The following SPECC1 variants were observed in gnomAD, a reference collection of about 807,000 sequenced individuals.
SPECC1 encodes cytospin-B.
Under a neutral mutation model 104.1 loss-of-function variants are expected in SPECC1, and 62 were observed. The ratio of observed to expected loss-of-function variants is 0.60; its 90% CI spans 0.49 to 0.74. The LOEUF (loss-of-function observed/expected upper bound fraction) is 0.74, where lower values mean the gene tolerates loss of function less well. Ranked by LOEUF, SPECC1 falls within the 30% of genes least tolerant of loss-of-function variation. The pLI is 0.00. For synonymous variants in SPECC1, 513 were observed against 501.6 expected (o/e 1.02, Z -0.30); for missense variants, 1,306 against 1,310.5 (o/e 1.00, Z 0.05).
chr17:20,076,399 TA>T (rs2046761289), intron 1 of SPECC1, among the ~76,000 whole-genome samples: 1 of 152,118 alleles, frequency 6.6e-6, no homozygotes, highest in African/African-American at 2.4e-5. Context: ...GGAGTTTCAC[TA>T]TGGTTCCCAG....
intron 12 of SPECC1, among the ~76,000 whole-genome samples, chr17:20,262,770 G>A (rs1055112946): frequency 6.6e-6 from 1 of 152,116 alleles, no homozygotes; most frequent in Non-Finnish European, 1.5e-5. Context: ...AAATTAGCAG[G>A]GCTGGGAGTC....
intron 1 of SPECC1, among the ~76,000 whole-genome samples, chr17:20,023,016 A>G (rs1171999507): frequency 6.6e-6 from 1 of 151,906 alleles, no homozygotes; most frequent in Non-Finnish European, 1.5e-5. Context: ...CCTTTTTGCC[A>G]AAAAAAACCA....
intron 14 of SPECC1, among the ~76,000 whole-genome samples, chr17:20,310,738 C>T (rs1300783825): frequency 2.0e-5 from 3 of 152,202 alleles, no homozygotes; most frequent in Admixed American, 1.3e-4. Context: ...GGCATGCCCC[C>T]GTGGAGGGAG....
intron 3 of SPECC1, among the ~76,000 whole-genome samples, chr17:20,120,038 G>A (rs1597752098): frequency 6.6e-6 from 1 of 152,130 alleles, no homozygotes; most frequent in East Asian, 1.9e-4. Context: ...AACACTTATG[G>A]TCCTGAGCAT....
At chr17:20,253,031 T>A (rs1451741731) in intron 9 of SPECC1, among the ~76,000 whole-genome samples, 1 of 150,420 alleles carries the variant, frequency 6.6e-6, no homozygotes, top group Non-Finnish European at 1.5e-5. Flanking sequence ...CCAATACTTG[T>A]TCTTTTTCAG....
chr17:20,125,795 C>T (rs2049273631), intron 3 of SPECC1, among the ~76,000 whole-genome samples: 1 of 152,202 alleles, frequency 6.6e-6, no homozygotes. Context: ...TGGCTTTCAG[C>T]TTCTGGTGGT....
At chr17:20,052,525 C>T (rs1469912510) in intron 1 of SPECC1, among the ~76,000 whole-genome samples, 1 of 152,216 alleles carries the variant, frequency 6.6e-6, no homozygotes, top group Non-Finnish European at 1.5e-5. Flanking sequence ...TTCAAAGATA[C>T]CTTAACGCCT....
chr17:20,248,482 C>A (rs142106680), intron 9 of SPECC1, among the ~76,000 whole-genome samples: 1 of 152,268 alleles, frequency 6.6e-6, no homozygotes, highest in East Asian at 1.9e-4. Context: ...TCCAGCATGT[C>A]GAAAAACTTG....
At chr17:20,088,049 G>A (rs188853914) in intron 1 of SPECC1, among the ~76,000 whole-genome samples, 120 of 152,026 alleles carry the variant, frequency 7.9e-4, no homozygotes, top group African/African-American at 2.7e-3. Flanking sequence ...AGCTGGGAGC[G>A]GCCCACATGA....
chr17:20,018,009 G>GT (rs1244702141), intron 1 of SPECC1: 1 of 152,514 alleles, frequency 6.6e-6, no homozygotes, highest in African/African-American at 2.4e-5. Context: ...TCCTGTGATT[G>GT]TTGAAGAGCT....
intron 1 of SPECC1, among the ~76,000 whole-genome samples, chr17:20,075,538 T>A (rs1261609214): frequency 6.6e-6 from 1 of 152,174 alleles, no homozygotes; most frequent in Non-Finnish European, 1.5e-5. Flanking sequence ...TGCAGTGGCT[T>A]GCACCTGAAA....
chr17:20,230,495 G>A (rs1370650364), intron 5 of SPECC1, among the ~76,000 whole-genome samples: 1 of 102,522 alleles, frequency 9.8e-6, no homozygotes, highest in Non-Finnish European at 1.8e-5. Flanking sequence ...GAGAAGAAAA[G>A]TCAAGACAAG....
At position 20,076,660 on chromosome 17, in the gene SPECC1, C is replaced by T. The variant is rs1275652540; in HGVS notation, c.-21-19971C>T. 2.6e-5 allele frequency among the ~76,000 whole-genome samples: 4 copies of T among 151,948 alleles called. No individual in the cohort carries two copies. The East Asian group carries it at 7.7e-4, about 29-fold the overall frequency. ...AACCGTCTTTGTCCATGGAACTTTC[C>T]TTATGTTTTTGGGTTGTATCTGTAG... On this transcript the variant is annotated intron_variant, in intron 1 of 14. Coordinates refer to ENST00000395527, the MANE Select transcript of SPECC1 (RefSeq NM_001243439.2).
At chr17:20,196,562 G>A (rs977642907) in intron 3 of SPECC1, among the ~76,000 whole-genome samples, 2 of 152,136 alleles carry the variant, frequency 1.3e-5, no homozygotes, top group African/African-American at 4.8e-5. Flanking sequence ...ATCCTTTCAC[G>A]ACTTACACAG....
chr17:20,182,605 A>G (rs925924010), intron 3 of SPECC1, among the ~76,000 whole-genome samples: 4 of 152,224 alleles, frequency 2.6e-5, no homozygotes, highest in Admixed American at 2.0e-4. Flanking sequence ...AGAGATCACA[A>G]ATGTATACCT....
intron 1 of SPECC1, among the ~76,000 whole-genome samples, chr17:20,086,379 G>C (rs1447573416): frequency 6.6e-6 from 1 of 152,164 alleles, no homozygotes; most frequent in African/African-American, 2.4e-5. Context: ...AGACTGCCAG[G>C]GACCCTCCTC....
At chr17:20,305,999 A>T in intron 13 of SPECC1, 24 bp from the exon 14 acceptor site, 1 of 1,609,262 alleles carries the variant, frequency 6.2e-7, no homozygotes, top group Non-Finnish European at 8.5e-7. Flanking sequence ...TACTGATTCC[A>T]GTCTCTTTGT....
chr17:20,096,574 T>A, intron 1 of SPECC1, 57 bp from the exon 2 acceptor site: 1 of 1,538,898 alleles, frequency 6.5e-7, no homozygotes, highest in East Asian at 2.3e-5. Flanking sequence ...AGTGTGATGA[T>A]GTCATGCAGC....
At chr17:20,115,144 A>G (rs532714608) in intron 3 of SPECC1, among the ~76,000 whole-genome samples, 74 of 152,334 alleles carry the variant, frequency 4.9e-4, no homozygotes, top group African/African-American at 1.6e-3. Flanking sequence ...GGAAAAGGAA[A>G]AAAAAAGACT....
Sources: gnomAD v4.1 joint callset for allele counts (sites outside exome capture counted in the v4.1 genomes callset) on GRCh38, gnomAD v4.1.1 for gene constraint, MANE v1.5 for transcripts, NCBI Gene and HGNC (gene_info 2026-07-23, HGNC 2026-07-21) for gene names.